The following ABLIM2 variants were observed in gnomAD, a reference collection of about 807,000 sequenced individuals.
ABLIM2 encodes the protein actin binding LIM protein family member 2.
A neutral mutation model predicts 97.7 loss-of-function variants in ABLIM2; 53 were observed. The observed-to-expected ratio is 0.54, with a 90% confidence interval of 0.44 to 0.68. The LOEUF is 0.68. Ranked by LOEUF, ABLIM2 falls within the 30% of genes least tolerant of loss-of-function variation. The pLI, the probability that ABLIM2 is intolerant of heterozygous loss-of-function variation, is 0.00. For missense variants in ABLIM2, 835 were observed against 867.2 expected (o/e 0.96, Z 0.47); for synonymous variants, 361 against 345.8 (o/e 1.04, Z -0.49).
intron 4 of ABLIM2, among the ~76,000 whole-genome samples, 185 bp from the exon 5 acceptor site, chr4:8,080,987 A>G (rs1819468524): frequency 6.6e-6 from 1 of 152,150 alleles, no homozygotes; most frequent in South Asian, 2.1e-4. Context: ...AGGGAAGGCA[A>G]CTGGGGAAGT....
In ABLIM2 at chr4:8,054,226, C is replaced by G. The variant is rs961321669; in HGVS notation, c.784G>C (p.Ala262Pro). 6.2e-7 allele frequency: 1 copy of G among 1,613,944 alleles called. No homozygotes were observed. Among genetic ancestry groups the G allele is most frequent in the Admixed American group, 1.7e-5 (1 of 60,006 alleles). Residue 262 changes from alanine to proline, a missense_variant, in exon 8 of 21, where the codon GCG becomes CCG. By Grantham distance (27) the Ala-to-Pro change is conservative. Transcript: ENST00000447017. This position sits in a 1 kb window ranked among gnomAD's most constrained non-coding sequence, Gnocchi z 4.9. ...YLQGSSIWHP[A>P]CRQAARTEDR... ...TCAGTTCTGGCTGCTTGTCGACACG[C>G]CGGATGCCAGATGGAGGAACCTGTT...
At chr4:7,967,213 G>A (rs1723579263) in intron 20 of ABLIM2, 110 bp from the exon 21 acceptor site, 1 of 873,336 alleles carries the variant, frequency 1.1e-6, no homozygotes, top group Non-Finnish European at 1.9e-6. Context: ...CATTGAGGAT[G>A]GGGTGGCCCT....
Position 7,967,098 on chromosome 4 carries a change from G to C in ABLIM2, c.1830C>G (p.His610Gln). Residue 610 changes from histidine (H) to glutamine (Q), a missense_variant, in exon 21 of 21, where the codon CAC (histidine) becomes CAG (glutamine). Transcript: ENST00000447017. ...KDVDRTRLER[H>Q]LSPEEFQEVF... is the part of the protein sequence containing the mutation. The stretch of plus-strand genomic sequence containing the variant: ...CTTCCTGGAACTCCTCGGGCGACAA[G>C]TGTCTCTTCAAACAAAAAGGCAAAA... 6.2e-7 allele frequency: 1 copy of C among 1,613,448 alleles called. No homozygotes were observed. Among genetic ancestry groups the C allele is most frequent in the Non-Finnish European group, 8.5e-7 (1 of 1,179,796 alleles).
At position 8,122,281 on chromosome 4, in the gene ABLIM2, G is replaced by C. The variant is rs565407463; in HGVS notation, c.11-15644C>G. The stretch of plus-strand genomic sequence containing the variant: ...GTAAGGATGGCCACAGAGAGCTGGA[G>C]AGGTCCCCCACTTTGTCCTCGGCTC... On this transcript the variant is annotated intron_variant, in intron 1 of 20. Coordinates refer to ENST00000447017, the MANE Select transcript of ABLIM2 (RefSeq NM_001130083.2). This position sits in a 1 kb window ranked among gnomAD's most constrained non-coding sequence, Gnocchi z 4.1. Among the ~76,000 whole-genome samples the C allele has an allele frequency of 4.1e-4, 62 of 152,290 alleles. No individual in the cohort carries two copies. The highest frequency in any genetic ancestry group is 1.3e-3 in the African/African-American group (53 of 41,566).
chr4:7,976,414 T>G (rs534008009), intron 20 of ABLIM2, among the ~76,000 whole-genome samples: 7 of 152,332 alleles, frequency 4.6e-5, no homozygotes, highest in Admixed American at 1.3e-4. Flanking sequence ...AATCTGGGCT[T>G]CACCATGTAG....
intron 18 of ABLIM2, 144 bp from the exon 19 acceptor site, chr4:7,983,698 C>G (rs1243808852): frequency 9.7e-7 from 1 of 1,028,530 alleles, no homozygotes; most frequent in African/African-American, 1.6e-5. Flanking sequence ...GCAGCCTGCA[C>G]TGAGGCCCTA....
chr4:7,972,845 A>T (rs1049582306), intron 20 of ABLIM2, among the ~76,000 whole-genome samples: 10 of 152,166 alleles, frequency 6.6e-5, no homozygotes, highest in Non-Finnish European at 4.4e-5. Flanking sequence ...TGTGGCTCCA[A>T]ACCTCCTATT....
rs772657238 is a variant in ABLIM2 at position 7,984,842 on chromosome 4, G to A, written c.1732C>T (p.Arg578Ter). The change falls in exon 18 of 21, where the codon CGA becomes TGA. Residue 578 changes from arginine to a stop codon, truncating the protein, a stop_gained. Transcript: ENST00000447017. LOFTEE classifies it high-confidence loss of function. ...ACAGGGTCCCCGCTCTGTGTACCTC[G>A]CATGCCCCAGCTGGCATCCGGGTCT... ...GADPDASWGM[R>*]EYKIYPYDSL... 39 of 1,600,978 alleles carry A rather than the reference G, an allele frequency of 2.4e-5. No homozygotes were observed. Among genetic ancestry groups the A allele is most frequent in the East Asian group, 4.5e-5 (2 of 44,480 alleles).
intron 1 of ABLIM2, among the ~76,000 whole-genome samples, chr4:8,154,961 GC>G (rs1425600530): frequency 1.3e-5 from 2 of 152,206 alleles, no homozygotes; most frequent in African/African-American, 4.8e-5. Flanking sequence ...CAGGGGAACT[GC>G]CCTTTATAAA....
rs1044859777 is a variant in ABLIM2, at chr4:7,992,754, G to A, written c.1680+112C>T. The A allele has an allele frequency of 7.5e-6, 9 of 1,207,674 alleles. 1 individual carries two copies. Among genetic ancestry groups the A allele is most frequent in the South Asian group, 3.9e-5 (3 of 76,156 alleles). 74.8% of individuals were successfully genotyped at this position (1,207,674 alleles called of 1,614,324 possible). A position where few individuals can be genotyped will look rare whatever the true frequency, so the allele number is the denominator to read the frequency against. ...GGCATCAGGCAGAGGCAGGTGGGCCGCGGGGTCCCCGGGGCCTCTCCTCCT... is the reference window on the plus strand; with the variant it reads ...GGCATCAGGCAGAGGCAGGTGGGCCACGGGGTCCCCGGGGCCTCTCCTCCT... On this transcript the variant is annotated intron_variant, in intron 17 of 20. Transcript: ENST00000447017. This position sits in a 1 kb window ranked among gnomAD's most constrained non-coding sequence, Gnocchi z 5.7.
chr4:7,976,844 CAT>C (rs1011888534), intron 20 of ABLIM2, among the ~76,000 whole-genome samples: 6 of 152,200 alleles, frequency 3.9e-5, no homozygotes, highest in Admixed American at 6.5e-5. Context: ...CATGCACACA[CAT>C]ATACACACAT....
At chr4:8,086,596 C>T (rs375026435) in intron 4 of ABLIM2, among the ~76,000 whole-genome samples, 12 of 152,238 alleles carry the variant, frequency 7.9e-5, no homozygotes, top group Non-Finnish European at 1.0e-4. Context: ...CCACCCGCCC[C>T]GGCCTCCCAA....
chr4:7,973,728 A>C (rs1441132388), intron 20 of ABLIM2, among the ~76,000 whole-genome samples: 3 of 152,208 alleles, frequency 2.0e-5, no homozygotes, highest in Non-Finnish European at 4.4e-5. Flanking sequence ...GAAAGGTCTC[A>C]GAGTGTGAAT....
rs141169916 is a variant in ABLIM2, at chr4:8,069,451, GC to G, written c.675+8176del. On this transcript the variant is annotated intron_variant, in intron 6 of 20. Coordinates refer to ENST00000447017, the MANE Select transcript of ABLIM2 (RefSeq NM_001130083.2). The surrounding 1 kb of genome is among the most constrained non-coding windows in gnomAD (Gnocchi z 4.2). ...GCACATTGCCCGGGGACCAGGGGAC[GC>G]AAGGGAGGACACGACAGGCCAGCGT... is the stretch of plus-strand genomic sequence containing the variant. 7.9e-3 allele frequency among the ~76,000 whole-genome samples: 1,211 copies of G among 152,356 alleles called. 17 individuals carry two copies. Among genetic ancestry groups the G allele is most frequent in the African/African-American group, 0.028 (1,148 of 41,592 alleles).
intron 1 of ABLIM2, among the ~76,000 whole-genome samples, chr4:8,135,657 G>C (rs972074484): frequency 6.6e-6 from 1 of 152,244 alleles, no homozygotes; most frequent in African/African-American, 2.4e-5. Flanking sequence ...AATGTCTGCT[G>C]TTTATAAGCC....
chr4:7,997,301 A>G (rs1753966289), intron 16 of ABLIM2, among the ~76,000 whole-genome samples: 1 of 152,032 alleles, frequency 6.6e-6, no homozygotes, highest in African/African-American at 2.4e-5. Flanking sequence ...TGATCTCTTG[A>G]TCTCGTGATC....
intron 9 of ABLIM2, among the ~76,000 whole-genome samples, chr4:8,039,608 T>C (rs1454171713): frequency 6.6e-6 from 1 of 152,180 alleles, no homozygotes; most frequent in Non-Finnish European, 1.5e-5. Flanking sequence ...CCCAGCATAA[T>C]ACACACTAAT....
intron 12 of ABLIM2, among the ~76,000 whole-genome samples, 181 bp downstream of exon 12, chr4:8,027,578 C>T (rs1778207006): frequency 6.6e-6 from 1 of 152,180 alleles, no homozygotes; most frequent in African/African-American, 2.4e-5. Context: ...CTAAGTTTTC[C>T]TTCCAGGAAC....
chr4:8,091,330 T>TTATA lies in ABLIM2; in HGVS notation c.339-3050_339-3047dup, dbSNP rs1554069046. On this transcript the variant is annotated intron_variant, in intron 3 of 20. Transcript: ENST00000447017. ...TTATATATATATAATTATATATATA[T>TTATA]TATATATATAATATATATATAATTA... Among the ~76,000 whole-genome samples, 2 of 46,770 alleles carry TTATA rather than the reference T, an allele frequency of 4.3e-5. 1 individual carries two copies. The highest frequency in any genetic ancestry group is 2.1e-4 in the African/African-American group (2 of 9,590). 30.7% of individuals were successfully genotyped at this position (46,770 alleles called of 152,430 possible). A position where few individuals can be genotyped will look rare whatever the true frequency, so the allele number is the denominator to read the frequency against.
Sources: gnomAD v4.1 joint callset for allele counts (sites outside exome capture counted in the v4.1 genomes callset) on GRCh38, gnomAD v4.1.1 for gene constraint, Gnocchi (gnomAD v3.1) non-coding constraint, MANE v1.5 for transcripts, NCBI Gene and HGNC (gene_info 2026-07-23, HGNC 2026-07-21) for gene names.